ALKBH5: variants seen among roughly 807,000 people sequenced by gnomAD.
ALKBH5 encodes alkB homolog 5, RNA demethylase, also known as RNA demethylase ALKBH5.
A neutral mutation model predicts 32.1 loss-of-function variants in ALKBH5; 2 were observed. The ratio of observed to expected loss-of-function variants is 0.06; its 90% CI spans 0.03 to 0.20. ALKBH5 has a LOEUF of 0.20. ALKBH5 is among the 10% of genes least tolerant of loss of function. The probability of loss-of-function intolerance (pLI) is 1.00; values close to 1 mark genes in which losing one functional copy is unlikely to be tolerated. For synonymous variants in ALKBH5, 300 were observed against 231.7 expected (o/e 1.29, Z -2.68); for missense variants, 352 against 559.5 (o/e 0.63, Z 3.74).
At chr17:18,186,468 A>G (rs1213479155) in intron 1 of ALKBH5, among the ~76,000 whole-genome samples, 13 of 152,186 alleles carry the variant, frequency 8.5e-5, no homozygotes, top group Admixed American at 8.5e-4. Flanking sequence ...TTAGCGGGAT[A>G]TTAATTTTCT....
intron 1 of ALKBH5, among the ~76,000 whole-genome samples, chr17:18,186,011 C>T (rs1035020766): frequency 6.6e-6 from 1 of 152,136 alleles, no homozygotes; most frequent in African/African-American, 2.4e-5. Context: ...CGTGAGCAGC[C>T]CAGGTTCTGA....
rs976296933 is a variant in ALKBH5, at chr17:18,184,099, G to GC, written c.-139dup. 3.7e-4 allele frequency: 281 copies of GC among 752,472 alleles called. 2 individuals carry two copies. Among genetic ancestry groups the GC allele is most frequent in the Admixed American group, 1.1e-4 (5 of 44,914 alleles). 46.6% of individuals were successfully genotyped at this position (752,472 alleles called of 1,614,324 possible). A position where few individuals can be genotyped will look rare whatever the true frequency, so the allele number is the denominator to read the frequency against. ...CCTACCCCACGCCCGGACCCTCGAC[G>GC]CCCCCCGCCGGGTCCCCCACTCACG... On this transcript the variant is annotated 5_prime_UTR_variant, in exon 1 of 4. Coordinates refer to ENST00000399138, the MANE Select transcript of ALKBH5 (RefSeq NM_017758.4).
At chr17:18,190,836 G>A (rs1464356414) in intron 1 of ALKBH5, among the ~76,000 whole-genome samples, 2 of 152,182 alleles carry the variant, frequency 1.3e-5, no homozygotes, top group Non-Finnish European at 2.9e-5. Context: ...CCCAGCCTGG[G>A]CAGTCAGGGA....
At chr17:18,195,200 TTTG>T (rs1233701887) in intron 2 of ALKBH5, among the ~76,000 whole-genome samples, 165 bp downstream of exon 2, 16 of 152,176 alleles carry the variant, frequency 1.1e-4, no homozygotes, top group Non-Finnish European at 2.9e-5. Flanking sequence ...ATAAAGTTGT[TTTG>T]TTGTTTTATC....
intron 2 of ALKBH5, among the ~76,000 whole-genome samples, chr17:18,197,633 A>G (rs1035226264): frequency 6.6e-6 from 1 of 152,194 alleles, no homozygotes; most frequent in African/African-American, 2.4e-5. Context: ...GGTGACTCCC[A>G]TACCTGGCCG....
chr17:18,191,949 TAA>T (rs553466001), intron 1 of ALKBH5, among the ~76,000 whole-genome samples: 5 of 140,722 alleles, frequency 3.6e-5, no homozygotes, highest in Non-Finnish European at 6.2e-5. Context: ...ACTCTGTCTT[TAA>T]AAAAAAAAAA....
At chr17:18,185,126 C>T (rs985052439) in intron 1 of ALKBH5, 113 bp downstream of exon 1, 116 of 1,484,604 alleles carry the variant, frequency 7.8e-5, no homozygotes, top group Non-Finnish European at 1.0e-4. Context: ...CTGACCAGTT[C>T]TTCTGTTTGT....
chr17:18,184,072 G>A lies in ALKBH5; in HGVS notation c.-172G>A. The A allele has an allele frequency of 1.5e-6, 1 of 686,750 alleles. No individual in the cohort carries two copies. Among genetic ancestry groups the A allele is most frequent in the Non-Finnish European group, 2.6e-6 (1 of 384,586 alleles). 42.5% of individuals were successfully genotyped at this position (686,750 alleles called of 1,614,324 possible). Reference sequence around the variant, plus strand: ...CGTTGCATGACCCGCCGCTCCTGAGGCCCTACCCCACGCCCGGACCCTCGA... The same window carrying A: ...CGTTGCATGACCCGCCGCTCCTGAGACCCTACCCCACGCCCGGACCCTCGA... On this transcript the variant is annotated 5_prime_UTR_variant, in exon 1 of 4. Transcript: ENST00000399138.
At chr17:18,190,246 G>A (rs2047165489) in intron 1 of ALKBH5, among the ~76,000 whole-genome samples, 2 of 152,166 alleles carry the variant, frequency 1.3e-5, no homozygotes, top group South Asian at 4.1e-4. Flanking sequence ...GTCCTGCATA[G>A]TTTCTTTAAA....
intron 2 of ALKBH5, among the ~76,000 whole-genome samples, chr17:18,206,268 G>T (rs1222736100): frequency 2.6e-5 from 4 of 152,214 alleles, no homozygotes; most frequent in Admixed American, 2.6e-4. Flanking sequence ...GAAACTGCCA[G>T]ATGACTGCTC....
Position 18,184,964 on chromosome 17 carries a change from G to C in ALKBH5, c.721G>C (p.Glu241Gln). The C allele has an allele frequency of 1.2e-6, 2 of 1,613,580 alleles. No homozygotes were observed. Among genetic ancestry groups the C allele is most frequent in the Non-Finnish European group, 1.7e-6 (2 of 1,180,030 alleles). ...CCAGTTCAAGCCTATTCGGGTGTCG[G>C]AACCAGTGCTTTCCCTGCCGGTGCG... ...KFQFKPIRVS[E>Q]PVLSLPVRRG... Residue 241 changes from glutamate to glutamine, a missense_variant, in exon 1 of 4, where the codon GAA (glutamate) becomes CAA (glutamine). Around this residue, in one of 4 missense-constraint regions of ALKBH5, gnomAD observed 56 missense variants for 238.1 expected, o/e 0.24. Transcript: ENST00000399138.
At position 18,184,537 on chromosome 17, in the gene ALKBH5, C is replaced by T. The variant is rs370779826; in HGVS notation, c.294C>T (p.Asp98=). The change falls in exon 1 of 4, where the codon GAC becomes GAT. Residue 98 remains aspartate (D), a synonymous_variant. Coordinates refer to ENST00000399138, the MANE Select transcript of ALKBH5 (RefSeq NM_017758.4). ...GCCAGATGCGCCTCTTCAGCCAGGA[C>T]GAGTGCGCCAAGATCGAGGCCCGCA... The part of the protein sequence containing the change: ...GIRQMRLFSQ[D]ECAKIEARID... 9.9e-6 allele frequency: 16 copies of T among 1,613,196 alleles called. No individual in the cohort carries two copies. In the African/African-American group the frequency reaches 1.5e-4, roughly 15 times the overall value.
rs552116660 is a variant in ALKBH5 at position 18,208,344 on chromosome 17, G to T, written c.1133G>T (p.Cys378Phe). 1.2e-6 allele frequency: 2 copies of T among 1,613,956 alleles called. No individual in the cohort carries two copies. Among genetic ancestry groups the T allele is most frequent in the African/African-American group, 2.7e-5 (2 of 75,022 alleles). Residue 378 changes from cysteine (C) to phenylalanine (F), a missense_variant, in exon 4 of 4, where the codon TGC (cysteine) becomes TTC (phenylalanine). By Grantham distance (205) the Cys-to-Phe change is radical (BLOSUM62 -2). This residue lies in a region of ALKBH5 where 124 missense variants were observed against 142.4 expected (regional missense o/e 0.87). Coordinates refer to ENST00000399138, the MANE Select transcript of ALKBH5 (RefSeq NM_017758.4). ...WRKSYESSED[C>F]SEAAGSPARK... ...AAGTCATACGAGTCCTCAGAGGACT[G>T]CTCTGAGGCAGCAGGCAGCCCTGCC...
rs933307893 is a variant in ALKBH5, at chr17:18,184,930, C to T, written c.687C>T (p.Gly229=). ...SFFSDSALCF[G]CKFQFKPIRV... is the part of the protein sequence containing the mutation. ...TTAGCGACTCTGCGCTGTGCTTCGG[C>T]TGCAAGTTCCAGTTCAAGCCTATTC... Residue 229 remains glycine (G), a synonymous_variant, in exon 1 of 4, where the codon GGC becomes GGT. Transcript: ENST00000399138. 6.2e-7 allele frequency: 1 copy of T among 1,614,024 alleles called. No individual in the cohort carries two copies. The highest frequency in any genetic ancestry group is 1.3e-5 in the African/African-American group (1 of 74,946).
intron 2 of ALKBH5, among the ~76,000 whole-genome samples, chr17:18,197,966 T>C (rs978476605): frequency 1.3e-5 from 2 of 152,154 alleles, no homozygotes; most frequent in East Asian, 1.9e-4. Flanking sequence ...GCTCCTGTTA[T>C]GGTTTATGGA....
intron 2 of ALKBH5, among the ~76,000 whole-genome samples, chr17:18,198,377 G>A (rs768712976): frequency 6.6e-6 from 1 of 152,164 alleles, no homozygotes; most frequent in Non-Finnish European, 1.5e-5. Context: ...AATTCAGGCC[G>A]GTGAGGAGCA....
At position 18,206,981 on chromosome 17, in the gene ALKBH5, T is replaced by G; in HGVS notation, c.1007+11T>G. 6.2e-7 allele frequency: 1 copy of G among 1,611,836 alleles called. No homozygotes were observed. The highest frequency in any genetic ancestry group is 1.1e-5 in the South Asian group (1 of 90,998). On this transcript the variant is annotated intron_variant, in intron 3 of 3. Transcript: ENST00000399138. The stretch of plus-strand genomic sequence containing the variant: ...TGATGCTGCCCACAGGTACTCAGTT[T>G]AGGACCCTCAGCAAAGGCTGGCAAA...
rs539763331 is a variant in ALKBH5 at position 18,187,098 on chromosome 17, C to G, written c.770+2085C>G. ...CAGTTTCCCTTCGTGTAGTTCAAGCCCCATGGAGGCCTCAGACAGGAGGAT... is the reference window on the plus strand; with the variant it reads ...CAGTTTCCCTTCGTGTAGTTCAAGCGCCATGGAGGCCTCAGACAGGAGGAT... On this transcript the variant is annotated intron_variant, in intron 1 of 3. Transcript: ENST00000399138. Among the ~76,000 whole-genome samples the G allele has an allele frequency of 9.7e-4, 147 of 152,024 alleles. 1 individual carries two copies. The highest frequency in any genetic ancestry group is 1.9e-3 in the Non-Finnish European group (127 of 67,976).
At chr17:18,198,472 G>T (rs1028024786) in intron 2 of ALKBH5, among the ~76,000 whole-genome samples, 8 of 152,216 alleles carry the variant, frequency 5.3e-5, no homozygotes, top group African/African-American at 1.9e-4. Context: ...CCCAGGCATT[G>T]CCCGGAGATA....
Sources: gnomAD v4.1 joint callset for allele counts (sites outside exome capture counted in the v4.1 genomes callset) on GRCh38, gnomAD v4.1.1 for gene constraint, gnomAD v4.1.1 regional missense constraint, MANE v1.5 for transcripts, NCBI Gene and HGNC (gene_info 2026-07-23, HGNC 2026-07-21) for gene names.